CSRNP2: variants seen among roughly 807,000 people sequenced by gnomAD.
CSRNP2 encodes cysteine/serine-rich nuclear protein 2.
In CSRNP2, 11 loss-of-function variants were observed where a neutral mutation model predicts 36.6. The ratio of observed to expected loss-of-function variants is 0.30; its 90% CI spans 0.19 to 0.50. CSRNP2 has a LOEUF of 0.50. CSRNP2 is among the 20% of genes least tolerant of loss of function. The probability of loss-of-function intolerance (pLI) is 0.98; values close to 1 mark genes in which losing one functional copy is unlikely to be tolerated. For missense variants in CSRNP2, 483 were observed against 691.4 expected (o/e 0.70, Z 3.38); for synonymous variants, 248 against 275.3 (o/e 0.90, Z 0.98).
chr12:51,066,453 CA>C (rs752714917), intron 4 of CSRNP2, among the ~76,000 whole-genome samples: 143 of 78,114 alleles, frequency 1.8e-3, no homozygotes, highest in East Asian at 8.6e-3. Flanking sequence ...GACTCCGTCT[CA>C]AAAAAAAAAA....
At position 51,076,410 on chromosome 12, in the gene CSRNP2, C is replaced by A; in HGVS notation, c.151+1G>T. 1 of 1,613,976 alleles carries A rather than the reference C, an allele frequency of 6.2e-7. No homozygotes were observed. Among genetic ancestry groups the A allele is most frequent in the Non-Finnish European group, 8.5e-7 (1 of 1,179,970 alleles). ...AGGCAGGGACGGAGCAGCTTACTCACGTGTGAAGCTGGCAGTGGTAGGAGG... is the reference window on the plus strand; with the variant it reads ...AGGCAGGGACGGAGCAGCTTACTCAAGTGTGAAGCTGGCAGTGGTAGGAGG... On this transcript the variant is annotated splice_donor_variant, in intron 2 of 4. Coordinates refer to ENST00000228515, the MANE Select transcript of CSRNP2 (RefSeq NM_030809.3). LOFTEE classifies it high-confidence loss of function.
rs570218905 is a variant in CSRNP2, at chr12:51,069,655, G to A, written c.412-1686C>T. Among the ~76,000 whole-genome samples, 20 of 149,216 alleles carry A rather than the reference G, an allele frequency of 1.3e-4. No individual in the cohort carries two copies. The South Asian group carries it at 3.2e-3, about 24-fold the overall frequency. ...AAAGGTGGTATCAATAATACTGAGC[G>A]TACTATGTACAGGCAGAAATCTGGG... On this transcript the variant is annotated intron_variant, in intron 3 of 4. Transcript: ENST00000228515.
At chr12:51,071,640 G>A (rs965862786) in intron 3 of CSRNP2, among the ~76,000 whole-genome samples, 9 of 152,178 alleles carry the variant, frequency 5.9e-5, no homozygotes, top group Non-Finnish European at 1.0e-4. Context: ...CACTGCTGGT[G>A]CTCACTAAAC....
Position 51,063,056 on chromosome 12 carries a change from T to C in CSRNP2, c.*690A>G, listed in dbSNP as rs564239712. ...AAAGGATGGAGAGAAAAAAGACACATAGACAAGTTTAACTCTAGTACTTAA... is the reference window on the plus strand; with the variant it reads ...AAAGGATGGAGAGAAAAAAGACACACAGACAAGTTTAACTCTAGTACTTAA... On this transcript the variant is annotated 3_prime_UTR_variant, in exon 5 of 5. Transcript: ENST00000228515. 5.3e-5 allele frequency: 8 copies of C among 152,168 alleles called. No homozygotes were observed. Among genetic ancestry groups the C allele is most frequent in the Non-Finnish European group, 7.4e-5 (5 of 68,012 alleles). 9.4% of individuals were successfully genotyped at this position (152,168 alleles called of 1,614,324 possible).
intron 3 of CSRNP2, among the ~76,000 whole-genome samples, chr12:51,070,111 G>A (rs1454889826): frequency 6.6e-6 from 1 of 152,152 alleles, no homozygotes; most frequent in African/African-American, 2.4e-5. Context: ...GAGAACTCAA[G>A]AAAATGAGGC....
At chr12:51,077,037 T>C (rs1200792674) in intron 1 of CSRNP2, among the ~76,000 whole-genome samples, 2 of 106,128 alleles carry the variant, frequency 1.9e-5, no homozygotes, top group African/African-American at 6.8e-5. Flanking sequence ...GCTGCTTGTT[T>C]GGTTGGCAAA....
At chr12:51,079,099 C>A (rs1199887017) in intron 1 of CSRNP2, among the ~76,000 whole-genome samples, 1 of 152,126 alleles carries the variant, frequency 6.6e-6, no homozygotes. Context: ...TGGAAACCAT[C>A]ATTCTGAACA....
chr12:51,065,981 T>C (rs1028871458), intron 4 of CSRNP2, among the ~76,000 whole-genome samples: 1 of 152,196 alleles, frequency 6.6e-6, no homozygotes. Context: ...AGGGATGGTA[T>C]TGCTGTTTTC....
intron 2 of CSRNP2, 146 bp downstream of exon 2, chr12:51,076,265 T>A: frequency 2.5e-6 from 2 of 813,606 alleles, no homozygotes; most frequent in Non-Finnish European, 3.8e-6. Context: ...TAGTCTACGG[T>A]ATGAGAGAAA....
intron 2 of CSRNP2, among the ~76,000 whole-genome samples, chr12:51,074,504 C>T (rs766278164): frequency 3.3e-5 from 5 of 152,198 alleles, no homozygotes; most frequent in Admixed American, 6.5e-5. Flanking sequence ...CTTCTCTAAA[C>T]GTGCTCTCTA....
At chr12:51,079,789 A>ATAAAT in intron 1 of CSRNP2, among the ~76,000 whole-genome samples, 1 of 147,346 alleles carries the variant, frequency 6.8e-6, no homozygotes, top group Non-Finnish European at 1.5e-5. Context: ...AAAAAAAAAA[A>ATAAAT]AAAAGCTGGG....
At chr12:51,082,482 G>A (rs958157594) in intron 1 of CSRNP2, 1 of 152,196 alleles carries the variant, frequency 6.6e-6, no homozygotes, top group Non-Finnish European at 1.5e-5. Context: ...TTGCAAGACA[G>A]AAAGCCAGTG....
intron 2 of CSRNP2, among the ~76,000 whole-genome samples, chr12:51,075,129 T>C (rs1290531351): frequency 9.2e-5 from 14 of 152,256 alleles, no homozygotes; most frequent in Non-Finnish European, 2.9e-5. Context: ...CTTTTTTCCT[T>C]TGAGACAGGC....
chr12:51,061,406 ATCTAGGCC>A lies in CSRNP2; in HGVS notation c.*2332_*2339del, dbSNP rs1044875651. The A allele has an allele frequency of 1.3e-5, 2 of 152,652 alleles. No individual in the cohort carries two copies. The highest frequency in any genetic ancestry group is 2.9e-5 in the Non-Finnish European group (2 of 68,026). The allele number at this position is 152,652 out of a possible 1,614,324, so 9.5% of individuals were successfully genotyped here. ...AGGGTTGTGGTAATAAGAGTCATTT[ATCTAGGCC>A]TAGACTGGGACTGAAGCTATCTGCT... On this transcript the variant is annotated 3_prime_UTR_variant, in exon 5 of 5. Transcript: ENST00000228515.
At position 51,080,127 on chromosome 12, in the gene CSRNP2, AGCAG is replaced by A. The variant is rs138392211; in HGVS notation, c.-87+3208_-87+3211del. The stretch of plus-strand genomic sequence containing the variant: ...GGGAGGGAGGGAAGAGAAGAAGGCA[AGCAG>A]GCAGGCAGGCAGGCAGGCAGGCAGG... On this transcript the variant is annotated intron_variant, in intron 1 of 4. Coordinates refer to ENST00000228515, the MANE Select transcript of CSRNP2 (RefSeq NM_030809.3). Among the ~76,000 whole-genome samples, 274 of 137,932 alleles carry A rather than the reference AGCAG, an allele frequency of 2.0e-3. 3 individuals carry two copies. The highest frequency in any genetic ancestry group is 2.9e-3 in the Non-Finnish European group (190 of 65,748). 90.5% of individuals were successfully genotyped at this position (137,932 alleles called of 152,430 possible).
intron 2 of CSRNP2, among the ~76,000 whole-genome samples, 193 bp from the exon 3 acceptor site, chr12:51,074,275 G>A (rs973622195): frequency 5.9e-5 from 9 of 152,046 alleles, no homozygotes; most frequent in East Asian, 1.9e-4. Flanking sequence ...GTGTCACCAC[G>A]CCCAGCTAAT....
intron 3 of CSRNP2, among the ~76,000 whole-genome samples, chr12:51,070,189 A>G (rs1163827575): frequency 6.6e-6 from 1 of 152,162 alleles, no homozygotes; most frequent in Non-Finnish European, 1.5e-5. Context: ...CCTTTGGTTG[A>G]TTTCATCAGA....
In CSRNP2 at chr12:51,061,510, A is replaced by C. The variant is rs1017753125; in HGVS notation, c.*2236T>G. On this transcript the variant is annotated 3_prime_UTR_variant, in exon 5 of 5. Transcript: ENST00000228515. Reference sequence around the variant, plus strand: ...TCTGTCCAACTCAGGTAGCACCAGAAGTGAGATGGACTAGGTTGTAGAGAA... The same window carrying C: ...TCTGTCCAACTCAGGTAGCACCAGACGTGAGATGGACTAGGTTGTAGAGAA... 6.6e-6 allele frequency: 1 copy of C among 152,662 alleles called. No individual in the cohort carries two copies. Among genetic ancestry groups the C allele is most frequent in the African/African-American group, 2.4e-5 (1 of 41,458 alleles). The allele number at this position is 152,662 out of a possible 1,614,324, so 9.5% of individuals were successfully genotyped here.
rs185908362 is a variant in CSRNP2 at position 51,067,208 on chromosome 12, A to G, written c.708+465T>C. Among the ~76,000 whole-genome samples the G allele has an allele frequency of 6.6e-6, 1 of 152,106 alleles. No individual in the cohort carries two copies. Among genetic ancestry groups the G allele is most frequent in the Non-Finnish European group, 1.5e-5 (1 of 68,018 alleles). ...TACTGTTTAGGAATCAGTATTTAGGAAACATTTACTAAATGTTAAATGTAC... is the reference window on the plus strand; with the variant it reads ...TACTGTTTAGGAATCAGTATTTAGGGAACATTTACTAAATGTTAAATGTAC... On this transcript the variant is annotated intron_variant, in intron 4 of 4. Coordinates refer to ENST00000228515, the MANE Select transcript of CSRNP2 (RefSeq NM_030809.3). This position sits in a 1 kb window ranked among gnomAD's most constrained non-coding sequence, Gnocchi z 4.1.
Sources: allele counts gnomAD v4.1 joint callset (sites outside exome capture counted in the v4.1 genomes callset), GRCh38; gene constraint gnomAD v4.1.1; non-coding constraint Gnocchi (gnomAD v3.1); transcripts MANE v1.5; gene names NCBI Gene and HGNC (gene_info 2026-07-23, HGNC 2026-07-21).